Variants in FAAH2 observed in about 807,000 individuals in gnomAD.
FAAH2 encodes fatty-acid amide hydrolase 2.
A neutral mutation model predicts 36.9 loss-of-function variants in FAAH2; 60 were observed. That is an observed-to-expected ratio of 1.63 (90% CI 1.32 to 2.02). The LOEUF (loss-of-function observed/expected upper bound fraction) is 2.02. FAAH2 is among the 30% of genes most tolerant of loss of function. The probability of loss-of-function intolerance (pLI) is 0.00; values close to 1 mark genes in which losing one functional copy is unlikely to be tolerated. For missense variants in FAAH2, 689 were observed against 397.5 expected, an observed-to-expected ratio of 1.73 and a Z score of -6.23; for synonymous variants, 214 against 143.8, an observed-to-expected ratio of 1.49 and a Z score of -3.49.
intron 4 of FAAH2, among the ~76,000 whole-genome samples, chrX:57,335,149 T>C (rs969103933): frequency 9.1e-6 from 1 of 109,984 alleles, no homozygotes; most frequent in Non-Finnish European, 1.9e-5. Flanking sequence ...TAACAAACAG[T>C]CTCTCAGATT....
At chrX:57,341,499 T>G (rs763705679) in intron 5 of FAAH2, 109 bp downstream of exon 5, 7 of 897,517 alleles carry the variant, frequency 7.8e-6, no homozygotes, top group Non-Finnish European at 1.0e-5. Context: ...ATTATATATT[T>G]CTCAATGTTC....
chrX:57,253,092 A>G, the FAAH2 span, among the ~76,000 whole-genome samples: 1 of 112,031 alleles, frequency 8.9e-6, no homozygotes, highest in Non-Finnish European at 1.9e-5. Flanking sequence ...GGAGCGGAAA[A>G]CCACAGTACT....
chrX:57,287,133 G>A, intron 1 of FAAH2, 116 bp downstream of exon 1: 1 of 775,147 alleles, frequency 1.3e-6, no homozygotes, highest in Non-Finnish European at 1.8e-6. Context: ...CGACTTAGGA[G>A]AGGCATTTAT....
the FAAH2 span, among the ~76,000 whole-genome samples, chrX:57,139,579 G>A: frequency 1.8e-5 from 2 of 110,778 alleles, no homozygotes; most frequent in African/African-American, 3.3e-5. Context: ...TCAGCCTCCC[G>A]AGTAGCTGGA....
the FAAH2 span, among the ~76,000 whole-genome samples, chrX:57,146,641 C>G: frequency 1.8e-5 from 2 of 111,780 alleles, no homozygotes; most frequent in South Asian, 7.5e-4. Flanking sequence ...TTGTCTTGTT[C>G]CAGTTCTCAG....
chrX:57,226,010 ACTTT>A, the FAAH2 span, among the ~76,000 whole-genome samples: 1 of 111,830 alleles, frequency 8.9e-6, no homozygotes, highest in East Asian at 2.8e-4. Flanking sequence ...GTACGCCTTT[ACTTT>A]AAGTTTATGT....
chrX:57,349,692 A>G (rs1388380273), intron 5 of FAAH2, among the ~76,000 whole-genome samples: 14 of 109,128 alleles, frequency 1.3e-4, no homozygotes, highest in Non-Finnish European at 2.3e-4. Flanking sequence ...GGTCTTTTGA[A>G]ATAATTCTTT....
intron 5 of FAAH2, among the ~76,000 whole-genome samples, chrX:57,358,614 A>T (rs1048743604): frequency 1.8e-5 from 2 of 111,336 alleles, no homozygotes; most frequent in South Asian, 3.7e-4. Flanking sequence ...TCATCTGTTG[A>T]TGGACATTTA....
chrX:57,202,741 C>G, the FAAH2 span, among the ~76,000 whole-genome samples: 1 of 111,928 alleles, frequency 8.9e-6, no homozygotes, highest in Non-Finnish European at 1.9e-5. Context: ...TTCCCCAAGT[C>G]CCTGGGAAAG....
chrX:57,470,751 G>A (rs2057150048), intron 10 of FAAH2, among the ~76,000 whole-genome samples: 1 of 111,410 alleles, frequency 9.0e-6, no homozygotes, highest in Non-Finnish European at 1.9e-5. Flanking sequence ...ATTTTATGAG[G>A]CCAGCATCAT....
the FAAH2 span, among the ~76,000 whole-genome samples, chrX:57,141,915 G>T: frequency 9.1e-6 from 1 of 110,476 alleles, no homozygotes; most frequent in African/African-American, 3.3e-5. Context: ...AGTTCCACAT[G>T]CATTAGCTAT....
chrX:57,239,078 A>G, the FAAH2 span, among the ~76,000 whole-genome samples: 3 of 111,918 alleles, frequency 2.7e-5, no homozygotes, highest in Non-Finnish European at 5.6e-5. Flanking sequence ...TATCTAGTAC[A>G]CCATTGATAG....
intron 3 of FAAH2, among the ~76,000 whole-genome samples, chrX:57,322,865 G>T (rs995055232): frequency 1.8e-5 from 2 of 108,931 alleles, no homozygotes; most frequent in African/African-American, 6.8e-5. Flanking sequence ...TAAGTTTTAG[G>T]GTACAGGTGC....
chrX:57,397,679 T>C (rs1002562179), intron 7 of FAAH2, among the ~76,000 whole-genome samples: 4 of 110,509 alleles, frequency 3.6e-5, no homozygotes, highest in Non-Finnish European at 7.6e-5. Flanking sequence ...AATTTGATGA[T>C]TCTCTGTAGC....
At chrX:57,371,300 C>T (rs2054543686) in intron 5 of FAAH2, among the ~76,000 whole-genome samples, 2 of 111,394 alleles carry the variant, frequency 1.8e-5, no homozygotes, top group Admixed American at 1.9e-4. Context: ...ACTCTATGTC[C>T]ATGTGTACAC....
chrX:57,419,513 C>G (rs2055948383), intron 7 of FAAH2, among the ~76,000 whole-genome samples: 1 of 112,068 alleles, frequency 8.9e-6, no homozygotes, highest in Non-Finnish European at 1.9e-5. Context: ...GCATAAATGT[C>G]TTCTTTTGAG....
chrX:57,468,936 C>T (rs1357651956), intron 10 of FAAH2, among the ~76,000 whole-genome samples: 1 of 111,704 alleles, frequency 9.0e-6, no homozygotes, highest in African/African-American at 3.3e-5. Flanking sequence ...AGAGTGGGGG[C>T]CAATTTTCAA....
At chrX:57,161,496 A>G in the FAAH2 span, among the ~76,000 whole-genome samples, 1 of 111,106 alleles carries the variant, frequency 9.0e-6, no homozygotes, top group Admixed American at 9.6e-5. Context: ...TGGGAGTCTA[A>G]GTCTCTTTGT....
the FAAH2 span, among the ~76,000 whole-genome samples, chrX:57,273,907 G>C: frequency 1.8e-5 from 2 of 111,248 alleles, no homozygotes; most frequent in Admixed American, 9.6e-5. Flanking sequence ...AAATAACTAA[G>C]AGCAGAGCAG....
Sources: allele counts gnomAD v4.1 joint callset (sites outside exome capture counted in the v4.1 genomes callset), GRCh38; gene constraint gnomAD v4.1.1; transcripts MANE v1.5; gene names NCBI Gene and HGNC (gene_info 2026-07-23, HGNC 2026-07-21).